FAM83D: variants seen among roughly 807,000 people sequenced by gnomAD.
FAM83D encodes scaffolding CK1 anchoring protein D, also known as protein FAM83D.
A neutral mutation model predicts 25.4 loss-of-function variants in FAM83D; 26 were observed. The observed-to-expected ratio is 1.02, with a 90% CI of 0.75 to 1.42. The LOEUF (loss-of-function observed/expected upper bound fraction) is 1.42, where lower values mean the gene tolerates loss of function less well. Ranked by LOEUF, FAM83D falls within the 40% of genes most tolerant of loss-of-function variation. The pLI is 0.00. For missense variants in FAM83D, 740 were observed against 758.1 expected (o/e 0.98, Z 0.28); for synonymous variants, 310 against 318.5 (o/e 0.97, Z 0.28).
intron 1 of FAM83D, among the ~76,000 whole-genome samples, chr20:38,934,451 C>T (rs1601331493): frequency 6.7e-6 from 1 of 150,022 alleles, no homozygotes. Flanking sequence ...CAAGATCGTG[C>T]CATTGCACTC....
chr20:38,949,286 C>T (rs1322169650), intron 3 of FAM83D, among the ~76,000 whole-genome samples: 3 of 151,994 alleles, frequency 2.0e-5, no homozygotes, highest in Non-Finnish European at 4.4e-5. Context: ...CTCAGCCTCC[C>T]GAGTAGCTGG....
Position 38,952,233 on chromosome 20 carries a change from A to T in FAM83D, c.1471A>T (p.Thr491Ser). The change falls in exon 4 of 4, where the codon ACT becomes TCT. Residue 491 changes from threonine (T) to serine (S), a missense_variant. Thr to Ser is a moderately conservative substitution (Grantham distance 58). Around this residue, in one of 3 missense-constraint regions of FAM83D, gnomAD observed 375 missense variants for 403.2 expected, o/e 0.93. Transcript: ENST00000619850. Reference sequence around the variant, plus strand: ...TTCCCAAGGCTCTGTGGCAAGCTCCACTGGTTCTCCCGCTTCCATCAGAAC... The same window carrying T: ...TTCCCAAGGCTCTGTGGCAAGCTCCTCTGGTTCTCCCGCTTCCATCAGAAC... ...VSSQGSVASS[T>S]GSPASIRTTD... 6.2e-7 allele frequency: 1 copy of T among 1,614,136 alleles called. No homozygotes were observed. The highest frequency in any genetic ancestry group is 1.1e-5 in the South Asian group (1 of 91,090).
chr20:38,929,048 G>A (rs907575003), intron 1 of FAM83D, among the ~76,000 whole-genome samples: 2 of 151,810 alleles, frequency 1.3e-5, no homozygotes, highest in Admixed American at 6.6e-5. Context: ...GTGGTGGTGC[G>A]TGCCTGTAAT....
At chr20:38,940,120 A>G (rs2085695341) in intron 1 of FAM83D, among the ~76,000 whole-genome samples, 2 of 152,208 alleles carry the variant, frequency 1.3e-5, no homozygotes, top group South Asian at 4.1e-4. Context: ...GGATGCCACA[A>G]ATTCAGAAAG....
Position 38,952,048 on chromosome 20 carries a change from C to T in FAM83D, c.1286C>T (p.Ala429Val). Residue 429 changes from alanine (A) to valine (V), a missense_variant, in exon 4 of 4, where the codon GCA becomes GTA. Around this residue, in one of 3 missense-constraint regions of FAM83D, gnomAD observed 375 missense variants for 403.2 expected, o/e 0.93. Coordinates refer to ENST00000619850, the MANE Select transcript of FAM83D (RefSeq NM_030919.3). ...CAGACTGCAGTCATCACCAGGATAG[C>T]AAGCTCTCAAACCACGATTTGGTCC... Reference protein sequence around the residue: ...GTQTAVITRIASSQTTIWSRS... With the variant: ...GTQTAVITRIVSSQTTIWSRS... The T allele has an allele frequency of 6.2e-7, 1 of 1,614,252 alleles. No homozygotes were observed. Among genetic ancestry groups the T allele is most frequent in the Non-Finnish European group, 8.5e-7 (1 of 1,180,042 alleles).
intron 1 of FAM83D, 152 bp downstream of exon 1, chr20:38,927,077 A>C (rs1435115581): frequency 7.5e-7 from 1 of 1,325,668 alleles, no homozygotes; most frequent in African/African-American, 1.6e-5. Flanking sequence ...TCTCCGACTC[A>C]CACCCCACTC....
rs1244567345 is a variant in FAM83D, at chr20:38,943,942, T to C, written c.651+1816T>C. ...CCTGACCTCAACTGATCCACCCGCC[T>C]CGGCCTCCCAAATTGCTGGGATTAC... On this transcript the variant is annotated intron_variant, in intron 2 of 3. Coordinates refer to ENST00000619850, the MANE Select transcript of FAM83D (RefSeq NM_030919.3). Among the ~76,000 whole-genome samples the C allele has an allele frequency of 4.6e-5, 7 of 152,336 alleles. No homozygotes were observed. The East Asian group carries it at 1.3e-3, about 29-fold the overall frequency.
At chr20:38,934,493 CAAAAA>C (rs34435879) in intron 1 of FAM83D, among the ~76,000 whole-genome samples, 1 of 78,066 alleles carries the variant, frequency 1.3e-5, no homozygotes, top group African/African-American at 4.2e-5. Flanking sequence ...AACTCCGTCT[CAAAAA>C]AAAAAAAAAA....
rs2085754355 is a variant in FAM83D at position 38,951,615 on chromosome 20, C to G, written c.853C>G (p.Leu285Val). Residue 285 changes from leucine (L) to valine (V), a missense_variant, in exon 4 of 4, where the codon CTG becomes GTG. Transcript: ENST00000619850. ...LSGQVVEHFD[L>V]EFRILYAQSK... Reference sequence around the variant, plus strand: ...TGGCCAAGTGGTTGAACACTTTGATCTGGAGTTCCGAATCCTGTATGCCCA... The same window carrying G: ...TGGCCAAGTGGTTGAACACTTTGATGTGGAGTTCCGAATCCTGTATGCCCA... 6.2e-7 allele frequency: 1 copy of G among 1,614,196 alleles called. No individual in the cohort carries two copies. The highest frequency in any genetic ancestry group is 8.5e-7 in the Non-Finnish European group (1 of 1,180,026).
chr20:38,946,686 C>A (rs1200080042), intron 2 of FAM83D, among the ~76,000 whole-genome samples: 1 of 152,166 alleles, frequency 6.6e-6, no homozygotes, highest in East Asian at 1.9e-4. Flanking sequence ...AGTATGTGAC[C>A]TTTCAAGATT....
chr20:38,941,817 C>A, intron 1 of FAM83D, 142 bp from the exon 2 acceptor site: 1 of 801,938 alleles, frequency 1.2e-6, no homozygotes, highest in Non-Finnish European at 2.1e-6. Context: ...AGGGGGGCAC[C>A]AACACTGCAG....
chr20:38,943,492 C>T (rs1341633447), intron 2 of FAM83D, among the ~76,000 whole-genome samples: 1 of 152,156 alleles, frequency 6.6e-6, no homozygotes, highest in Non-Finnish European at 1.5e-5. Flanking sequence ...TGCCTCCAAC[C>T]CCAGTGTCTG....
In FAM83D at chr20:38,926,684, CG is replaced by C; in HGVS notation, c.244del (p.Ala82ArgfsTer81). 2.0e-6 allele frequency: 3 copies of C among 1,515,926 alleles called. No individual in the cohort carries two copies. The highest frequency in any genetic ancestry group is 2.5e-5 in the East Asian group (1 of 39,508). The allele number at this position is 1,515,926 out of a possible 1,614,324, so 93.9% of individuals were successfully genotyped here. A position where few individuals can be genotyped will look rare whatever the true frequency, so the allele number is the denominator to read the frequency against. On this transcript the variant is annotated frameshift_variant, in exon 1 of 4. Coordinates refer to ENST00000619850, the MANE Select transcript of FAM83D (RefSeq NM_030919.3). LOFTEE classifies it high-confidence loss of function. The stretch of plus-strand genomic sequence containing the variant: ...GAGAGGCCGGGAGAGGAGGGCGCGG[CG>C]GCGGCGGCGGCGGCCGAGGACTCGT... ...AAERPGEEGAAAAAAAEDSFG... is the reference protein window; with the variant it reads ...AAERPGEEGAXAAAAAEDSFG...
At position 38,945,553 on chromosome 20, in the gene FAM83D, A is replaced by G. The variant is rs137969080; in HGVS notation, c.652-2323A>G. The stretch of plus-strand genomic sequence containing the variant: ...AAATCAGGAAATAAACTTGATATCA[A>G]TACTATCTAATTTACAGACTTATAC... On this transcript the variant is annotated intron_variant, in intron 2 of 3. Coordinates refer to ENST00000619850, the MANE Select transcript of FAM83D (RefSeq NM_030919.3). 2.9e-3 allele frequency among the ~76,000 whole-genome samples: 434 copies of G among 152,264 alleles called. 2 individuals carry two copies. The highest frequency in any genetic ancestry group is 4.6e-3 in the Admixed American group (70 of 15,292).
rs1334417204 is a variant in FAM83D, at chr20:38,945,758, C to A, written c.652-2118C>A. On this transcript the variant is annotated intron_variant, in intron 2 of 3. Coordinates refer to ENST00000619850, the MANE Select transcript of FAM83D (RefSeq NM_030919.3). ...CCCACCCCCCCCCCACCACCCCACC[C>A]CCCGTTTTTTTTTTTAAGAGATAAG... is the stretch of plus-strand genomic sequence containing the variant. Among the ~76,000 whole-genome samples the A allele has an allele frequency of 6.4e-5, 9 of 140,164 alleles. No individual in the cohort carries two copies. In the South Asian group the frequency reaches 2.0e-3, roughly 31 times the overall value. The allele number at this position is 140,164 out of a possible 152,430, so 92.0% of individuals were successfully genotyped here.
At chr20:38,927,498 C>CTTTTT (rs1173092369) in intron 1 of FAM83D, among the ~76,000 whole-genome samples, 93 of 101,378 alleles carry the variant, frequency 9.2e-4, no homozygotes, top group Non-Finnish European at 1.2e-3. Context: ...TCTTTCTTGT[C>CTTTTT]TTTTTTTTTT....
chr20:38,952,598 A>G lies in FAM83D; in HGVS notation c.*78A>G. 6.8e-7 allele frequency: 1 copy of G among 1,468,798 alleles called. No individual in the cohort carries two copies. Among genetic ancestry groups the G allele is most frequent in the African/African-American group, 1.4e-5 (1 of 70,948 alleles). 91.0% of individuals were successfully genotyped at this position (1,468,798 alleles called of 1,614,324 possible). On this transcript the variant is annotated 3_prime_UTR_variant, in exon 4 of 4. Coordinates refer to ENST00000619850, the MANE Select transcript of FAM83D (RefSeq NM_030919.3). ...AGCTTCCTGCTTTAAAAAATATCTTATGTCCCTAATTGCCTTTCTTTTACC... is the reference window on the plus strand; with the variant it reads ...AGCTTCCTGCTTTAAAAAATATCTTGTGTCCCTAATTGCCTTTCTTTTACC...
At chr20:38,949,456 G>A (rs1331755297) in intron 3 of FAM83D, among the ~76,000 whole-genome samples, 1 of 152,016 alleles carries the variant, frequency 6.6e-6, no homozygotes, top group Non-Finnish European at 1.5e-5. Flanking sequence ...CACTGCGCCC[G>A]GCCCAGCCTC....
chr20:38,932,814 T>C (rs1425985597), intron 1 of FAM83D, among the ~76,000 whole-genome samples: 3 of 152,212 alleles, frequency 2.0e-5, no homozygotes, highest in African/African-American at 7.2e-5. Flanking sequence ...GAGTCACGTT[T>C]CTTACCAGTG....
Sources: gnomAD v4.1 joint callset for allele counts (sites outside exome capture counted in the v4.1 genomes callset) on GRCh38, gnomAD v4.1.1 for gene constraint, gnomAD v4.1.1 regional missense constraint, MANE v1.5 for transcripts, NCBI Gene and HGNC (gene_info 2026-07-23, HGNC 2026-07-21) for gene names.